Variants in GPHN observed in about 807,000 individuals in gnomAD.
GPHN encodes the protein gephyrin.
Under a neutral mutation model 95.5 loss-of-function variants are expected in GPHN, and 17 were observed. The observed-to-expected ratio is 0.18, with a 90% CI of 0.12 to 0.27. GPHN has a LOEUF of 0.27. GPHN is among the 10% of genes least tolerant of loss of function. GPHN has a pLI of 1.00. For missense variants in GPHN, 660 were observed against 978.1 expected (o/e 0.67, Z 4.34); for synonymous variants, 320 against 322.5 (o/e 0.99, Z 0.08).
At chr14:67,703,443 T>A in the GPHN span, among the ~76,000 whole-genome samples, 1 of 152,218 alleles carries the variant, frequency 6.6e-6, no homozygotes, top group Non-Finnish European at 1.5e-5. Context: ...TAAGTCTTCT[T>A]AAGTTAGTAA....
At chr14:66,970,551 C>G (rs900530082) in intron 9 of GPHN, among the ~76,000 whole-genome samples, 2 of 152,172 alleles carry the variant, frequency 1.3e-5, no homozygotes, top group African/African-American at 4.8e-5. Flanking sequence ...ATTGGCTAAA[C>G]CTGGGTTCCC....
chr14:66,795,206 C>A (rs1439844121), intron 3 of GPHN, among the ~76,000 whole-genome samples: 1 of 152,164 alleles, frequency 6.6e-6, no homozygotes, highest in Non-Finnish European at 1.5e-5. Context: ...TTTTTCATCT[C>A]TAATAGCATT....
chr14:67,320,478 TTTATTCATTTCA>T, the GPHN span: 14 of 1,314,938 alleles, frequency 1.1e-5, no homozygotes, highest in Non-Finnish European at 1.4e-5. Context: ...AGGGAAATTT[TTTATTCATTTCA>T]TTAAAACACT....
At chr14:67,653,385 T>A in the GPHN span, 1 of 1,537,586 alleles carries the variant, frequency 6.5e-7, no homozygotes, top group Non-Finnish European at 9.0e-7. Flanking sequence ...TTAAGCTTTT[T>A]GGTTGAAAGC....
chr14:66,974,655 C>G (rs2070088238), intron 9 of GPHN, among the ~76,000 whole-genome samples: 1 of 151,976 alleles, frequency 6.6e-6, no homozygotes, highest in South Asian at 2.1e-4. Flanking sequence ...AAAAAATGTA[C>G]TTACTCATTT....
intron 2 of GPHN, among the ~76,000 whole-genome samples, chr14:66,693,788 A>G (rs899873838): frequency 6.6e-6 from 1 of 152,194 alleles, no homozygotes. Context: ...GGCACCAAAA[A>G]TTAATCATCA....
chr14:66,639,960 G>A (rs1175801245), intron 1 of GPHN, among the ~76,000 whole-genome samples: 2 of 152,068 alleles, frequency 1.3e-5, no homozygotes, highest in Non-Finnish European at 2.9e-5. Flanking sequence ...TTGGAGATTA[G>A]GTTAGAGAAG....
At chr14:67,568,100 T>C in the GPHN span, among the ~76,000 whole-genome samples, 1 of 152,198 alleles carries the variant, frequency 6.6e-6, no homozygotes, top group Non-Finnish European at 1.5e-5. Flanking sequence ...CTAGCCATGA[T>C]ATGACATTAT....
At chr14:66,700,344 A>G (rs2068443560) in intron 2 of GPHN, among the ~76,000 whole-genome samples, 1 of 152,216 alleles carries the variant, frequency 6.6e-6, no homozygotes, top group African/African-American at 2.4e-5. Flanking sequence ...AAACTGTGTG[A>G]GAGAAGTAAA....
the GPHN span, chr14:67,208,496 T>G: frequency 6.3e-7 from 1 of 1,577,388 alleles, no homozygotes; most frequent in Non-Finnish European, 8.6e-7. Flanking sequence ...ACATGAAATA[T>G]TAATAAAGAA....
chr14:67,680,417 T>A, the GPHN span, among the ~76,000 whole-genome samples: 1 of 152,228 alleles, frequency 6.6e-6, no homozygotes, highest in African/African-American at 2.4e-5. Context: ...ACAGTTGACA[T>A]GAAGGTTCCT....
Position 67,022,568 on chromosome 14 carries a change from GGTGTGT to G in GPHN, c.964-1032_964-1027del, listed in dbSNP as rs72312422. Among the ~76,000 whole-genome samples the G allele has an allele frequency of 6.7e-3, 140 of 20,880 alleles. 1 individual carries two copies. Among genetic ancestry groups the G allele is most frequent in the Non-Finnish European group, 9.7e-3 (110 of 11,352 alleles). 13.7% of individuals were successfully genotyped at this position (20,880 alleles called of 152,430 possible). On this transcript the variant is annotated intron_variant, in intron 9 of 22. Coordinates refer to ENST00000478722, the MANE Select transcript of GPHN (RefSeq NM_020806.5). The stretch of plus-strand genomic sequence containing the variant: ...TTTTTTTTTTTTTTTTTTTTTTTTT[GGTGTGT>G]GTGTGTGTGTGTGTGTGTGTGTGTG...
intron 1 of GPHN, among the ~76,000 whole-genome samples, chr14:66,529,050 A>T (rs946388300): frequency 6.6e-6 from 1 of 152,178 alleles, no homozygotes; most frequent in Non-Finnish European, 1.5e-5. Context: ...TAATATCCTG[A>T]AGAATGTTTT....
chr14:66,880,294 T>TC (rs1191940099), intron 5 of GPHN, among the ~76,000 whole-genome samples: 1 of 152,072 alleles, frequency 6.6e-6, no homozygotes, highest in African/African-American at 2.4e-5. Context: ...CCCTTTTTTT[T>TC]CCAGAGTTAA....
the GPHN span, among the ~76,000 whole-genome samples, chr14:67,262,084 T>C: frequency 6.6e-6 from 1 of 152,174 alleles, no homozygotes; most frequent in African/African-American, 2.4e-5. Context: ...GCTATGTGAC[T>C]TAACTTTCAG....
the GPHN span, among the ~76,000 whole-genome samples, chr14:67,733,538 A>T: frequency 6.6e-6 from 1 of 152,338 alleles, no homozygotes; most frequent in South Asian, 2.1e-4. Context: ...ATCTTGTTAT[A>T]GAATATATTA....
chr14:66,928,944 T>C (rs1850064453), intron 8 of GPHN, among the ~76,000 whole-genome samples: 1 of 152,130 alleles, frequency 6.6e-6, no homozygotes. Context: ...TCCTTGAGAA[T>C]GATTCGTGTG....
chr14:66,824,738 C>G (rs1008722135), intron 4 of GPHN, among the ~76,000 whole-genome samples, 172 bp downstream of exon 4: 7 of 152,106 alleles, frequency 4.6e-5, no homozygotes, highest in Admixed American at 1.3e-4. Context: ...TGTTTCCTGA[C>G]TTTTTTTCTT....
intron 18 of GPHN, among the ~76,000 whole-genome samples, chr14:67,156,382 G>A (rs2081588467): frequency 6.6e-6 from 1 of 152,052 alleles, no homozygotes; most frequent in Non-Finnish European, 1.5e-5. Context: ...AGCATGAAAG[G>A]TAGAAAGGCA....
Sources: allele counts gnomAD v4.1 joint callset (sites outside exome capture counted in the v4.1 genomes callset), GRCh38; gene constraint gnomAD v4.1.1; transcripts MANE v1.5; gene names NCBI Gene and HGNC (gene_info 2026-07-23, HGNC 2026-07-21).